The following SVIL variants were observed in gnomAD, a reference collection of about 807,000 sequenced individuals.
The protein encoded by SVIL is supervillin.
SVIL carries 101 observed loss-of-function variants against 240.4 expected under a neutral mutation model. The observed-to-expected ratio is 0.42, with a 90% CI of 0.36 to 0.50. The LOEUF is 0.50. SVIL is among the 20% of genes least tolerant of loss of function. The probability of loss-of-function intolerance (pLI) is 0.01; values close to 1 mark genes in which losing one functional copy is unlikely to be tolerated. For missense variants in SVIL, 2,512 were observed against 2,818.7 expected (o/e 0.89, Z 2.46); for synonymous variants, 999 against 1,100.0 (o/e 0.91, Z 1.82).
At chr10:29,595,795 A>G (rs1182857329) in intron 1 of SVIL, among the ~76,000 whole-genome samples, 1 of 152,128 alleles carries the variant, frequency 6.6e-6, no homozygotes. Flanking sequence ...CCCTCTCCGT[A>G]GGACCCAGGT....
rs1478950323 is a variant in SVIL, at chr10:29,696,847, C to T, written c.-399-10196G>A. 2.0e-5 allele frequency among the ~76,000 whole-genome samples: 3 copies of T among 150,036 alleles called. 1 individual carries two copies. The highest frequency in any genetic ancestry group is 6.6e-5 in the Admixed American group (1 of 15,156). ...GGGCTCAGCCCCCCGCCCGGCCAAC[C>T]GCCCTGTCCGGGAGGTGAGGGGCGC... On this transcript the variant is annotated intron_variant, in intron 1 of 35. Transcript: ENST00000375400.
At chr10:29,534,835 T>A (rs1021125717) in intron 7 of SVIL, among the ~76,000 whole-genome samples, 17 of 152,226 alleles carry the variant, frequency 1.1e-4, no homozygotes, top group Non-Finnish European at 1.5e-4. Context: ...GAGTAAATGT[T>A]TAATAGTGTT....
chr10:29,533,202 A>G lies in SVIL; in HGVS notation c.1165T>C (p.Ser389Pro), dbSNP rs1951503253. Residue 389 changes from serine to proline, a missense_variant, in exon 8 of 38, where the codon TCT becomes CCT. Transcript: ENST00000355867. Reference sequence around the variant, plus strand: ...GCTGATGCTACCCAGCTACACTCAGATGCATTTTCTGGGGTTTCTGGCGTC... The same window carrying G: ...GCTGATGCTACCCAGCTACACTCAGGTGCATTTTCTGGGGTTTCTGGCGTC... ...LVTPETPENASECSWVASATQ... is the reference protein window; with the variant it reads ...LVTPETPENAPECSWVASATQ... 6 of 1,614,078 alleles carry G rather than the reference A, an allele frequency of 3.7e-6. No individual in the cohort carries two copies. In the East Asian group the frequency reaches 1.3e-4, roughly 36 times the overall value.
chr10:29,581,401 T>C (rs1443545397), intron 1 of SVIL, among the ~76,000 whole-genome samples: 2 of 152,198 alleles, frequency 1.3e-5, no homozygotes, highest in African/African-American at 4.8e-5. Flanking sequence ...CTGTGAATTT[T>C]GGTTAGTGGT....
chr10:29,556,491 G>A (rs1953948644), intron 3 of SVIL, among the ~76,000 whole-genome samples: 1 of 152,112 alleles, frequency 6.6e-6, no homozygotes, highest in Admixed American at 6.6e-5. Flanking sequence ...TTTGTGTTCA[G>A]GGATAGAAGC....
chr10:29,479,775 G>A lies in SVIL; in HGVS notation c.5377+762C>T, dbSNP rs546864234. Among the ~76,000 whole-genome samples the A allele has an allele frequency of 6.3e-4, 96 of 152,336 alleles. 2 individuals carry two copies. In the South Asian group the frequency reaches 0.017, roughly 26 times the overall value. ...GGGGCAGGTGCACCTGCACAGCAAGGGGGCTGTAAAGAGGCAAAAATACTC... is the reference window on the plus strand; with the variant it reads ...GGGGCAGGTGCACCTGCACAGCAAGAGGGCTGTAAAGAGGCAAAAATACTC... On this transcript the variant is annotated intron_variant, in intron 29 of 37. Transcript: ENST00000355867.
intron 1 of SVIL, among the ~76,000 whole-genome samples, chr10:29,719,740 T>C (rs899948746): frequency 3.3e-5 from 5 of 152,084 alleles, no homozygotes; most frequent in Non-Finnish European, 7.3e-5. Context: ...ACTATTGAAC[T>C]TGAAGACATA....
chr10:29,731,571 C>T (rs1964623636), intron 1 of SVIL, among the ~76,000 whole-genome samples: 1 of 151,972 alleles, frequency 6.6e-6, no homozygotes, highest in African/African-American at 2.4e-5. Flanking sequence ...AGATCCATTC[C>T]TTTGTTAGGC....
In SVIL at chr10:29,514,022, T is replaced by A. The variant is rs529749389; in HGVS notation, c.3390-1161A>T. ...AAAGGTGGTGATCACTAAACTCATT[T>A]GAGCCGATGCTCAAACAATTTAAAG... On this transcript the variant is annotated intron_variant, in intron 16 of 37. Coordinates refer to ENST00000355867, the MANE Select transcript of SVIL (RefSeq NM_021738.3). Among the ~76,000 whole-genome samples the A allele has an allele frequency of 2.5e-3, 379 of 151,802 alleles. 2 individuals are homozygous for A. Among genetic ancestry groups the A allele is most frequent in the African/African-American group, 8.9e-3 (367 of 41,376 alleles).
At chr10:29,546,960 CTATT>C (rs1952750444) in intron 6 of SVIL, among the ~76,000 whole-genome samples, 1 of 152,130 alleles carries the variant, frequency 6.6e-6, no homozygotes, top group Non-Finnish European at 1.5e-5. Flanking sequence ...TTCATGGGTA[CTATT>C]TGTCTTCACT....
At chr10:29,481,526 C>T in intron 28 of SVIL, 58 bp downstream of exon 28, 1 of 1,603,536 alleles carries the variant, frequency 6.2e-7, no homozygotes, top group East Asian at 2.2e-5. Flanking sequence ...TACATGAAGG[C>T]CACTTTTATT....
At chr10:29,685,920 A>G (rs1324160501) in intron 2 of SVIL, among the ~76,000 whole-genome samples, 1 of 152,168 alleles carries the variant, frequency 6.6e-6, no homozygotes, top group Non-Finnish European at 1.5e-5. Flanking sequence ...ATCTCCATCA[A>G]TGGAGAGCTT....
chr10:29,719,168 A>T (rs1236607911), intron 1 of SVIL, among the ~76,000 whole-genome samples: 1 of 152,186 alleles, frequency 6.6e-6, no homozygotes, highest in Non-Finnish European at 1.5e-5. Context: ...GTACTCAGAA[A>T]GATGTTGCTT....
chr10:29,512,194 A>G (rs1949887102), intron 17 of SVIL, among the ~76,000 whole-genome samples: 1 of 152,234 alleles, frequency 6.6e-6, no homozygotes. Flanking sequence ...ATTGATCACC[A>G]TGCATTACCT....
intron 17 of SVIL, among the ~76,000 whole-genome samples, chr10:29,510,276 A>G (rs1039634226): frequency 5.3e-5 from 8 of 152,208 alleles, no homozygotes; most frequent in African/African-American, 1.7e-4. Context: ...AGACCAATCC[A>G]TTGACAGAAA....
At chr10:29,502,072 C>G (rs567476299) in intron 17 of SVIL, among the ~76,000 whole-genome samples, 1 of 152,304 alleles carries the variant, frequency 6.6e-6, no homozygotes, top group African/African-American at 2.4e-5. Flanking sequence ...GATGATACAA[C>G]CATTTTAGAA....
At chr10:29,680,223 C>T (rs1960530228) in intron 2 of SVIL, among the ~76,000 whole-genome samples, 1 of 152,066 alleles carries the variant, frequency 6.6e-6, no homozygotes, top group Non-Finnish European at 1.5e-5. Flanking sequence ...GAGATCAGCA[C>T]CAGAAACATA....
intron 3 of SVIL, among the ~76,000 whole-genome samples, chr10:29,641,173 C>T (rs538406759): frequency 1.3e-5 from 2 of 151,750 alleles, no homozygotes; most frequent in South Asian, 2.1e-4. Flanking sequence ...TTTGGGAGGT[C>T]GAGGTGGAAG....
intron 3 of SVIL, among the ~76,000 whole-genome samples, chr10:29,559,946 A>G (rs2132681808): frequency 6.6e-6 from 1 of 152,360 alleles, no homozygotes; most frequent in African/African-American, 2.4e-5. Flanking sequence ...CTTGGGAAAC[A>G]TAGTTTCTTC....
Sources: gnomAD v4.1 joint callset for allele counts (sites outside exome capture counted in the v4.1 genomes callset) on GRCh38, gnomAD v4.1.1 for gene constraint, MANE v1.5 for transcripts, NCBI Gene and HGNC (gene_info 2026-07-23, HGNC 2026-07-21) for gene names.